Variants in MEGF8 observed in about 807,000 individuals in gnomAD.
MEGF8 encodes the protein multiple EGF like domains 8.
MEGF8 carries 156 observed loss-of-function variants against 302.9 expected under a neutral mutation model. The ratio of observed to expected loss-of-function variants is 0.52; its 90% confidence interval spans 0.45 to 0.59. The LOEUF (loss-of-function observed/expected upper bound fraction) is 0.59, where lower values mean the gene tolerates loss of function less well. MEGF8 is among the 20% of genes least tolerant of loss of function. The pLI is 0.00. For synonymous variants in MEGF8, 1,621 were observed against 1,660.5 expected (o/e 0.98, Z 0.58); for missense variants, 3,345 against 3,964.5 (o/e 0.84, Z 4.20).
intron 12 of MEGF8, among the ~76,000 whole-genome samples, chr19:42,345,161 G>A (rs553451498): frequency 6.6e-6 from 1 of 152,242 alleles, no homozygotes; most frequent in East Asian, 1.9e-4. Context: ...AGTAGAAGAC[G>A]AAGTTTCACC....
In MEGF8 at chr19:42,362,447, G is replaced by A. The variant is rs2039545892; in HGVS notation, c.5908G>A (p.Gly1970Arg). The change falls in exon 34 of 42, where the codon GGG (glycine) becomes AGG (arginine). Residue 1970 changes from glycine to arginine, a missense_variant. Physicochemically the swap from Gly to Arg is moderately radical, Grantham distance 125. Coordinates refer to ENST00000251268, the MANE Select transcript of MEGF8 (RefSeq NM_001271938.2). Reference protein sequence around the residue: ...CPEGACIGRNGSCTSENDCRI... With the variant: ...CPEGACIGRNRSCTSENDCRI... ...CGAAGGTGCTTGCATTGGACGCAATGGGTCCTGCACCTCTGAGAATGACTG... is the reference window on the plus strand; with the variant it reads ...CGAAGGTGCTTGCATTGGACGCAATAGGTCCTGCACCTCTGAGAATGACTG... 6.2e-7 allele frequency: 1 copy of A among 1,613,888 alleles called. No homozygotes were observed. The highest frequency in any genetic ancestry group is 8.5e-7 in the Non-Finnish European group (1 of 1,179,898).
At chr19:42,334,248 C>G (rs745795391) in intron 3 of MEGF8, 35 bp downstream of exon 3, 4 of 1,547,092 alleles carry the variant, frequency 2.6e-6, no homozygotes, top group Non-Finnish European at 3.5e-6. Flanking sequence ...CCCCTGGGGC[C>G]CTGATCTGTG....
Position 42,355,981 on chromosome 19 carries a change from C to T in MEGF8, c.4368C>T (p.His1456=). The T allele has an allele frequency of 1.2e-6, 2 of 1,612,124 alleles. No homozygotes were observed. Among genetic ancestry groups the T allele is most frequent in the Non-Finnish European group, 1.7e-6 (2 of 1,179,138 alleles). Residue 1456 remains histidine (H), a synonymous_variant, in exon 24 of 42, where the codon CAC becomes CAT. Transcript: ENST00000251268. ...MALCPENCNA[H]TGAGTCNQSL... is the part of the protein sequence containing the mutation. ...TGTGTCCTGAGAACTGCAATGCCCACACTGGGGCAGGAACTTGTAACCAGG... is the reference window on the plus strand; with the variant it reads ...TGTGTCCTGAGAACTGCAATGCCCATACTGGGGCAGGAACTTGTAACCAGG...
At position 42,368,258 on chromosome 19, in the gene MEGF8, C is replaced by T. The variant is rs968512372; in HGVS notation, c.6274-197C>T. Among the ~76,000 whole-genome samples, 1 of 152,190 alleles carries T rather than the reference C, an allele frequency of 6.6e-6. No individual in the cohort carries two copies. The highest frequency in any genetic ancestry group is 1.5e-5 in the Non-Finnish European group (1 of 68,040). Reference sequence around the variant, plus strand: ...AGATCCTCCCCAGCCTGACTTCCCGCCTTGGTGTGTAGTTACAAACGCTTG... The same window carrying T: ...AGATCCTCCCCAGCCTGACTTCCCGTCTTGGTGTGTAGTTACAAACGCTTG... On this transcript the variant is annotated intron_variant, in intron 35 of 41. Transcript: ENST00000251268. The surrounding 1 kb of genome is among the most constrained non-coding windows in gnomAD (Gnocchi z 4.9).
At chr19:42,333,508 C>T (rs1054399108) in intron 1 of MEGF8, 97 bp from the exon 2 acceptor site, 2 of 1,358,250 alleles carry the variant, frequency 1.5e-6, no homozygotes, top group African/African-American at 2.9e-5. Flanking sequence ...CCCAGCATCA[C>T]CTGGATCAGG....
At chr19:42,338,819 C>CTTTTTTTTTTTTTTTTTT in intron 8 of MEGF8, among the ~76,000 whole-genome samples, 1 of 86,722 alleles carries the variant, frequency 1.2e-5, no homozygotes, top group South Asian at 3.7e-4. Context: ...TTTTTTCTTT[C>CTTTTTTTTTTTTTTTTTT]TATGTATTTT....
rs774809942 is a variant in MEGF8, at chr19:42,362,117, C to G, written c.5748C>G (p.Ser1916=). The G allele has an allele frequency of 1.2e-6, 2 of 1,612,452 alleles. No individual in the cohort carries two copies. The highest frequency in any genetic ancestry group is 2.2e-5 in the East Asian group (1 of 44,844). The change falls in exon 33 of 42, where the codon TCC becomes TCG. Residue 1916 remains serine (S), a synonymous_variant. Coordinates refer to ENST00000251268, the MANE Select transcript of MEGF8 (RefSeq NM_001271938.2). ...TGGGCTGCGGGGGCTCCCCCTGCTC[C>G]CCAATGCCTCGCTCCCCGGAGGAAT... ...HRLGCGGSPC[S]PMPRSPEECR...
chr19:42,356,415 C>A lies in MEGF8; in HGVS notation c.4584C>A (p.Gly1528=). 6.2e-7 allele frequency: 1 copy of A among 1,610,754 alleles called. No homozygotes were observed. Among genetic ancestry groups the A allele is most frequent in the Non-Finnish European group, 8.5e-7 (1 of 1,178,496 alleles). Residue 1528 remains glycine, a synonymous_variant, in exon 26 of 42, where the codon GGC becomes GGA. Coordinates refer to ENST00000251268, the MANE Select transcript of MEGF8 (RefSeq NM_001271938.2). This position sits in a 1 kb window ranked among gnomAD's most constrained non-coding sequence, Gnocchi z 5.2. ...GPDATLWMFG[G]LGLPQGLLGN... ...ATGCCACCTTGTGGATGTTTGGGGG[C>A]CTGGGCCTGCCCCAGGGGCTGCTGG...
Position 42,358,337 on chromosome 19 carries a change from G to A in MEGF8, c.5175+30G>A. ...GGAAAAGAGGCTCAGACCCAAGGAT[G>A]TATGGGGCAGGAGGGAGGGGTCCTC... On this transcript the variant is annotated intron_variant, in intron 29 of 41. Coordinates refer to ENST00000251268, the MANE Select transcript of MEGF8 (RefSeq NM_001271938.2). This position sits in a 1 kb window ranked among gnomAD's most constrained non-coding sequence, Gnocchi z 4.4. 1.3e-6 allele frequency: 2 copies of A among 1,574,778 alleles called. No individual in the cohort carries two copies. Among genetic ancestry groups the A allele is most frequent in the Non-Finnish European group, 1.7e-6 (2 of 1,162,478 alleles).
At chr19:42,363,634 A>C (rs146333866) in intron 35 of MEGF8, among the ~76,000 whole-genome samples, 210 of 152,078 alleles carry the variant, frequency 1.4e-3, no homozygotes, top group African/African-American at 4.7e-3. Context: ...CACGACTCTT[A>C]ATGCTTCTTC....
At position 42,355,816 on chromosome 19, in the gene MEGF8, G is replaced by A. The variant is rs183527379; in HGVS notation, c.4203G>A (p.Ser1401=). The change falls in exon 24 of 42, where the codon TCG becomes TCA. Residue 1401 remains serine (S), a synonymous_variant. Coordinates refer to ENST00000251268, the MANE Select transcript of MEGF8 (RefSeq NM_001271938.2). ...CCTCATCCTGGGGCTTCAATGCTTC[G>A]GTGGGCTCTGCCCGCTGTGGGTCAG... ...NGSSSWGFNA[S]VGSARCGSGG... 25 of 1,575,064 alleles carry A rather than the reference G, an allele frequency of 1.6e-5. 1 individual carries two copies. Among genetic ancestry groups the A allele is most frequent in the South Asian group, 8.1e-5 (7 of 86,240 alleles).
chr19:42,375,846 C>A lies in MEGF8; in HGVS notation c.7609C>A (p.Pro2537Thr), dbSNP rs766231753. The A allele has an allele frequency of 6.2e-7, 1 of 1,609,506 alleles. No individual in the cohort carries two copies. The highest frequency in any genetic ancestry group is 8.5e-7 in the Non-Finnish European group (1 of 1,178,576). ...QPPPAPPPPPPPADGGPRGAG... is the reference protein window; with the variant it reads ...QPPPAPPPPPTPADGGPRGAG... ...ACCCCCAGCCCCACCACCTCCACCA[C>A]CCCCTGCAGATGGTGGGCCCCGGGG... Residue 2537 changes from proline to threonine, a missense_variant, in exon 42 of 42, where the codon CCC becomes ACC. Physicochemically the swap from Pro to Thr is conservative, Grantham distance 38. Transcript: ENST00000251268. The surrounding 1 kb of genome is among the most constrained non-coding windows in gnomAD (Gnocchi z 7.1).
rs749937610 is a variant in MEGF8, at chr19:42,370,865, G to T, written c.7136+34G>T. 113 of 259,598 alleles carry T rather than the reference G, an allele frequency of 4.4e-4. 30 individuals are homozygous for T. The highest frequency in any genetic ancestry group is 7.6e-4 in the Non-Finnish European group (93 of 122,634). 16.1% of individuals were successfully genotyped at this position (259,598 alleles called of 1,614,324 possible). A position where few individuals can be genotyped will look rare whatever the true frequency, so the allele number is the denominator to read the frequency against. On this transcript the variant is annotated intron_variant, in intron 40 of 41. Transcript: ENST00000251268. ...AACCGGGGGGGGGGGGGGGGGGGGG[G>T]GGGGGGGAGGCCGGGGATCCCACCC...
At position 42,326,437 on chromosome 19, in the gene MEGF8, G is replaced by T. The variant is rs775916450; in HGVS notation, c.187+7G>T. 2.0e-6 allele frequency: 3 copies of T among 1,526,394 alleles called. No homozygotes were observed. Among genetic ancestry groups the T allele is most frequent in the East Asian group, 2.6e-5 (1 of 38,500 alleles). 94.6% of individuals were successfully genotyped at this position (1,526,394 alleles called of 1,614,324 possible). On this transcript the variant is annotated splice_region_variant and intron_variant, in intron 1 of 41. Coordinates refer to ENST00000251268, the MANE Select transcript of MEGF8 (RefSeq NM_001271938.2). ...TGCGAGTGGCTCATCGAGGGTGAGT[G>T]GGGCCGCGTGGGTCACTCACTAATT...
At chr19:42,360,718 G>T in intron 31 of MEGF8, 57 bp from the exon 32 acceptor site, 2 of 1,545,794 alleles carry the variant, frequency 1.3e-6, no homozygotes, top group Non-Finnish European at 8.7e-7. Context: ...TCATGGTGTG[G>T]GTCTCTTCCT....
chr19:42,363,283 C>A, intron 35 of MEGF8, 21 bp downstream of exon 35: 1 of 1,566,882 alleles, frequency 6.4e-7, no homozygotes, highest in Non-Finnish European at 8.7e-7. Flanking sequence ...TGGCCAGGAC[C>A]GTGCCAGGCA....
rs2039747310 is a variant in MEGF8 at position 42,375,139 on chromosome 19, T to C, written c.7270-368T>C. Among the ~76,000 whole-genome samples the C allele has an allele frequency of 6.6e-6, 1 of 152,146 alleles. No individual in the cohort carries two copies. The highest frequency in any genetic ancestry group is 2.4e-5 in the African/African-American group (1 of 41,430). On this transcript the variant is annotated intron_variant, in intron 41 of 41. Coordinates refer to ENST00000251268, the MANE Select transcript of MEGF8 (RefSeq NM_001271938.2). The surrounding 1 kb of genome is among the most constrained non-coding windows in gnomAD (Gnocchi z 7.1). ...CTGTGTGCAGAGCTCATGGGTTAAG[T>C]CTGTGTGCTCAGGCTCAGTGAGGTT...
chr19:42,354,021 C>T lies in MEGF8; in HGVS notation c.4008C>T (p.Cys1336=). 1.3e-6 allele frequency: 2 copies of T among 1,586,118 alleles called. No individual in the cohort carries two copies. Among genetic ancestry groups the T allele is most frequent in the African/African-American group, 1.3e-5 (1 of 74,156 alleles). The part of the protein sequence containing the change: ...LTFSPDSSTP[C]TLSYVLAFDG... ...TCTCCCCCGACAGCAGCACCCCCTG[C>T]ACGGTGAGCACTGAGGAAACGAGGG... The change falls in exon 22 of 42, where the codon TGC becomes TGT. Residue 1336 remains cysteine, a synonymous_variant. Transcript: ENST00000251268. The surrounding 1 kb of genome is among the most constrained non-coding windows in gnomAD (Gnocchi z 4.3).
chr19:42,364,455 A>G (rs2039576797), intron 35 of MEGF8, among the ~76,000 whole-genome samples: 1 of 152,208 alleles, frequency 6.6e-6, no homozygotes, highest in Non-Finnish European at 1.5e-5. Context: ...GAACTAAGTG[A>G]TCAGTCCAGC....
Sources: allele counts gnomAD v4.1 joint callset (sites outside exome capture counted in the v4.1 genomes callset), GRCh38; gene constraint gnomAD v4.1.1; non-coding constraint Gnocchi (gnomAD v3.1); transcripts MANE v1.5; gene names NCBI Gene and HGNC (gene_info 2026-07-23, HGNC 2026-07-21).